Variants in NR6A1 observed in about 807,000 individuals in gnomAD.
NR6A1 encodes retinoic acid receptor-related testis-associated receptor.
In NR6A1, 7 loss-of-function variants were observed where a neutral mutation model predicts 59.1. The observed-to-expected ratio is 0.12, with a 90% CI of 0.07 to 0.22. NR6A1 has a LOEUF of 0.22. Ranked by LOEUF, NR6A1 falls within the 10% of genes least tolerant of loss-of-function variation. The pLI, the probability that NR6A1 is intolerant of heterozygous loss-of-function variation, is 1.00. For missense variants in NR6A1, 468 were observed against 611.6 expected (o/e 0.77, Z 2.48); for synonymous variants, 243 against 236.1 (o/e 1.03, Z -0.27).
At chr9:124,699,168 G>A (rs925834879) in intron 2 of NR6A1, among the ~76,000 whole-genome samples, 1 of 152,106 alleles carries the variant, frequency 6.6e-6, no homozygotes, top group Non-Finnish European at 1.5e-5. Flanking sequence ...ACAGCACAAG[G>A]TATAGGCCAA....
intron 2 of NR6A1, among the ~76,000 whole-genome samples, chr9:124,576,441 C>A (rs1387360083): frequency 6.6e-6 from 1 of 152,162 alleles, no homozygotes; most frequent in Non-Finnish European, 1.5e-5. Flanking sequence ...GCGCGTGCCA[C>A]CACGCCCAGC....
intron 2 of NR6A1, among the ~76,000 whole-genome samples, chr9:124,713,505 A>G (rs546741925): frequency 6.6e-6 from 1 of 152,324 alleles, no homozygotes; most frequent in East Asian, 1.9e-4. Context: ...CTGTTAAGAG[A>G]TTAATATACA....
At chr9:124,721,631 G>A (rs1036455274) in intron 2 of NR6A1, among the ~76,000 whole-genome samples, 13 of 152,160 alleles carry the variant, frequency 8.5e-5, no homozygotes, top group Non-Finnish European at 1.0e-4. Flanking sequence ...CTGAGCCACA[G>A]AAGACAACTC....
At chr9:124,525,977 T>C (rs1447463625) in intron 8 of NR6A1, among the ~76,000 whole-genome samples, 1 of 152,044 alleles carries the variant, frequency 6.6e-6, no homozygotes, top group African/African-American at 2.4e-5. Flanking sequence ...ACCAGATAAA[T>C]GCATGAATGG....
chr9:124,532,709 CAT>C (rs1180302304), intron 7 of NR6A1, among the ~76,000 whole-genome samples: 4 of 152,196 alleles, frequency 2.6e-5, no homozygotes, highest in African/African-American at 7.2e-5. Context: ...AGCAGCAACA[CAT>C]GTTCTAAAGA....
At chr9:124,692,461 C>G (rs753241925) in intron 2 of NR6A1, 8 of 529,694 alleles carry the variant, frequency 1.5e-5, no homozygotes, top group South Asian at 1.1e-4. Flanking sequence ...ATCAGGCCAG[C>G]CTTCAGAGGA....
chr9:124,628,883 C>A (rs997578340), intron 2 of NR6A1, among the ~76,000 whole-genome samples: 3 of 152,182 alleles, frequency 2.0e-5, no homozygotes, highest in African/African-American at 7.2e-5. Flanking sequence ...TGGTCTCGAA[C>A]TCCCGAGTTC....
Position 124,556,867 on chromosome 9 carries a change from C to CTTT in NR6A1, c.143-2300_143-2298dup, listed in dbSNP as rs34247254. On this transcript the variant is annotated intron_variant, in intron 2 of 9. Transcript: ENST00000487099. ...ACAGCAGCACAGGAAACTAATATAC[C>CTTT]TTTTTTTTTTTTTCGCAAACAGGGA... Among the ~76,000 whole-genome samples, 88 of 143,640 alleles carry CTTT rather than the reference C, an allele frequency of 6.1e-4. 1 individual carries two copies. The South Asian group carries it at 0.019, about 31-fold the overall frequency. The allele number at this position is 143,640 out of a possible 152,430, so 94.2% of individuals were successfully genotyped here.
intron 2 of NR6A1, among the ~76,000 whole-genome samples, chr9:124,660,126 A>G (rs2130939653): frequency 6.6e-6 from 1 of 152,376 alleles, no homozygotes; most frequent in East Asian, 1.9e-4. Flanking sequence ...TAACTATGCT[A>G]TAATAAATGT....
chr9:124,679,163 T>C (rs529155252), intron 2 of NR6A1, among the ~76,000 whole-genome samples: 1 of 152,356 alleles, frequency 6.6e-6, no homozygotes, highest in African/African-American at 2.4e-5. Context: ...TAGTTCCTTA[T>C]ATATACATGT....
At chr9:124,671,073 G>A (rs1251296789) in intron 2 of NR6A1, among the ~76,000 whole-genome samples, 1 of 152,150 alleles carries the variant, frequency 6.6e-6, no homozygotes, top group East Asian at 1.9e-4. Flanking sequence ...CAAATACATA[G>A]AAACAAAGTA....
chr9:124,591,755 G>A (rs566968647), intron 2 of NR6A1, among the ~76,000 whole-genome samples: 1 of 152,210 alleles, frequency 6.6e-6, no homozygotes, highest in South Asian at 2.1e-4. Flanking sequence ...TTCAAAATAT[G>A]TAAAACAGCT....
At chr9:124,660,779 G>A (rs916929937) in intron 2 of NR6A1, among the ~76,000 whole-genome samples, 2 of 151,724 alleles carry the variant, frequency 1.3e-5, no homozygotes, top group African/African-American at 2.4e-5. Flanking sequence ...CCATGTGCTC[G>A]CTTTTCTCAC....
intron 2 of NR6A1, among the ~76,000 whole-genome samples, chr9:124,591,916 T>C (rs1253947984): frequency 3.3e-5 from 5 of 152,166 alleles, no homozygotes; most frequent in Non-Finnish European, 5.9e-5. Context: ...ATTTGAGATG[T>C]AGCTTTTCAA....
intron 2 of NR6A1, among the ~76,000 whole-genome samples, chr9:124,619,422 CCTGA>C (rs1835998211): frequency 6.6e-6 from 1 of 152,128 alleles, no homozygotes; most frequent in African/African-American, 2.4e-5. Context: ...TGCCACCACA[CCTGA>C]CTAATTTTTG....
At chr9:124,675,600 T>C (rs1471231064) in intron 2 of NR6A1, among the ~76,000 whole-genome samples, 1 of 152,164 alleles carries the variant, frequency 6.6e-6, no homozygotes, top group Non-Finnish European at 1.5e-5. Context: ...TTATTCCCAA[T>C]AGCAAGGCTA....
At chr9:124,620,953 A>G (rs1287565225) in intron 2 of NR6A1, among the ~76,000 whole-genome samples, 2 of 152,206 alleles carry the variant, frequency 1.3e-5, no homozygotes, top group Non-Finnish European at 2.9e-5. Flanking sequence ...CAGACAGAGT[A>G]GGGACCATGC....
rs369384533 is a variant in NR6A1, at chr9:124,618,363, A to T, written c.143-63793T>A. ...ATGGGCGTGGTGGCATGTGCCTGTA[A>T]TCCCAGCTACTCAGGAGGCTGCGGC... On this transcript the variant is annotated intron_variant, in intron 2 of 9. Transcript: ENST00000487099. 3.3e-5 allele frequency among the ~76,000 whole-genome samples: 5 copies of T among 152,142 alleles called. No individual in the cohort carries two copies. In the East Asian group the frequency reaches 5.8e-4, roughly 18 times the overall value.
intron 2 of NR6A1, among the ~76,000 whole-genome samples, chr9:124,627,533 T>C (rs1056549460): frequency 2.0e-5 from 3 of 152,220 alleles, no homozygotes; most frequent in African/African-American, 7.2e-5. Context: ...AGCAAAAGTT[T>C]GGATGTAAAG....
Sources: allele counts gnomAD v4.1 joint callset (sites outside exome capture counted in the v4.1 genomes callset), GRCh38; gene constraint gnomAD v4.1.1; transcripts MANE v1.5; gene names NCBI Gene and HGNC (gene_info 2026-07-23, HGNC 2026-07-21).